The following RNF216 variants were observed in gnomAD, a reference collection of about 807,000 sequenced individuals.
RNF216 encodes E3 ubiquitin-protein ligase RNF216.
A neutral mutation model predicts 110.8 loss-of-function variants in RNF216; 72 were observed. The ratio of observed to expected loss-of-function variants is 0.65; its 90% CI spans 0.54 to 0.79. The LOEUF (loss-of-function observed/expected upper bound fraction) is 0.79. Ranked by LOEUF, RNF216 falls within the 30% of genes least tolerant of loss-of-function variation. The probability of loss-of-function intolerance (pLI) is 0.00; values close to 1 mark genes in which losing one functional copy is unlikely to be tolerated. For missense variants in RNF216, 1,342 were observed against 1,141.2 expected (o/e 1.18, Z -2.54); for synonymous variants, 495 against 407.5 (o/e 1.21, Z -2.59).
chr7:5,755,071 TGAAGGAAAG>T (rs1250554597), intron 2 of RNF216, among the ~76,000 whole-genome samples: 5 of 116,212 alleles, frequency 4.3e-5, no homozygotes, highest in Non-Finnish European at 8.7e-5. Context: ...GGGAGGGAAC[TGAAGGAAAG>T]GAAGGAAAGG....
At chr7:5,626,784 C>T (rs1786735774) in intron 15 of RNF216, among the ~76,000 whole-genome samples, 1 of 152,304 alleles carries the variant, frequency 6.6e-6, no homozygotes, top group Admixed American at 6.5e-5. Context: ...TCCCTGCGTC[C>T]AGGAAGCTCA....
intron 13 of RNF216, among the ~76,000 whole-genome samples, chr7:5,710,665 C>T (rs1792622209): frequency 6.6e-6 from 1 of 152,236 alleles, no homozygotes. Flanking sequence ...GCCTCCTTCA[C>T]ACTCCTAGCA....
intron 13 of RNF216, among the ~76,000 whole-genome samples, chr7:5,660,955 T>TTTTTTTTTTTTGTTTTTTTTTTTC (rs1789093527): frequency 6.9e-6 from 1 of 145,682 alleles, no homozygotes; most frequent in African/African-American, 2.6e-5. Flanking sequence ...TTTTTTTTTT[T>TTTTTTTTTTTTGTTTTTTTTTTTC]TTTTTTTTTT....
rs563091011 is a variant in RNF216 at position 5,674,176 on chromosome 7, C to T, written c.2062-21666G>A. ...TCCTGAATAGCTGGGATTATAGGCA[C>T]CCACCACCACGCCCAGCTAATTTTT... On this transcript the variant is annotated intron_variant, in intron 13 of 16. Coordinates refer to ENST00000389902, the MANE Select transcript of RNF216 (RefSeq NM_207111.4). 6.1e-4 allele frequency among the ~76,000 whole-genome samples: 92 copies of T among 152,064 alleles called. 2 individuals carry two copies. The highest frequency in any genetic ancestry group is 2.0e-3 in the African/African-American group (84 of 41,460).
In RNF216 at chr7:5,753,078, A is replaced by G. The variant is rs1294654883; in HGVS notation, c.68-99T>C. ...AGGGGTACAGCCTAAAGCCAACTTC[A>G]TGGCTACTAGTGTAACGTACCTCCT... On this transcript the variant is annotated intron_variant, in intron 2 of 16. Coordinates refer to ENST00000389902, the MANE Select transcript of RNF216 (RefSeq NM_207111.4). The G allele has an allele frequency of 2.4e-6, 3 of 1,241,936 alleles. No homozygotes were observed. In the East Asian group the frequency reaches 7.4e-5, roughly 31 times the overall value. 76.9% of individuals were successfully genotyped at this position (1,241,936 alleles called of 1,614,324 possible).
At chr7:5,693,163 A>T (rs1198114776) in intron 13 of RNF216, among the ~76,000 whole-genome samples, 1 of 152,252 alleles carries the variant, frequency 6.6e-6, no homozygotes, top group Non-Finnish European at 1.5e-5. Context: ...CCCTCTGCCA[A>T]TTTTTGTAAA....
intron 1 of RNF216, among the ~76,000 whole-genome samples, chr7:5,779,368 C>T (rs1714442669): frequency 6.6e-6 from 1 of 152,074 alleles, no homozygotes; most frequent in African/African-American, 2.4e-5. Context: ...AAATCTGGCC[C>T]AGACTCTCCA....
chr7:5,652,183 A>T (rs1288147414), intron 14 of RNF216, among the ~76,000 whole-genome samples: 1 of 152,166 alleles, frequency 6.6e-6, no homozygotes, highest in Admixed American at 6.5e-5. Flanking sequence ...TCATTTATTG[A>T]ATTCACAGGT....
At chr7:5,712,205 C>T (rs866299537) in intron 12 of RNF216, among the ~76,000 whole-genome samples, 8 of 152,198 alleles carry the variant, frequency 5.3e-5, no homozygotes, top group African/African-American at 1.7e-4. Flanking sequence ...ACAGTCTGGG[C>T]GCGGTGGCTC....
In RNF216 at chr7:5,680,283, CCCCCGCCCTG is replaced by C. The variant is rs1311578363; in HGVS notation, c.2062-27783_2062-27774del. ...TCCAACAGGGAAGTGGTTCCTTTGT[CCCCCGCCCTG>C]CCCCCAGCTAGCTCTGTCATCATAG... On this transcript the variant is annotated intron_variant, in intron 13 of 16. Coordinates refer to ENST00000389902, the MANE Select transcript of RNF216 (RefSeq NM_207111.4). This position sits in a 1 kb window ranked among gnomAD's most constrained non-coding sequence, Gnocchi z 4.3. The C allele has an allele frequency of 2.6e-5, 4 of 152,354 alleles. No homozygotes were observed. Among genetic ancestry groups the C allele is most frequent in the Non-Finnish European group, 4.4e-5 (3 of 68,174 alleles). The allele number at this position is 152,354 out of a possible 1,614,324, so 9.4% of individuals were successfully genotyped here.
At chr7:5,738,490 C>T (rs1193621983) in intron 5 of RNF216, among the ~76,000 whole-genome samples, 1 of 152,004 alleles carries the variant, frequency 6.6e-6, no homozygotes, top group Non-Finnish European at 1.5e-5. Flanking sequence ...GGGTGGATCA[C>T]GAGGTCAGGA....
chr7:5,644,513 T>A (rs1787933601), intron 14 of RNF216, among the ~76,000 whole-genome samples: 1 of 150,014 alleles, frequency 6.7e-6, no homozygotes, highest in African/African-American at 2.4e-5. Context: ...GTTTGCCCAT[T>A]TTTTTTTTTT....
At position 5,624,391 on chromosome 7, in the gene RNF216, G is replaced by A. The variant is rs1347935157; in HGVS notation, c.2383-266C>T. On this transcript the variant is annotated intron_variant, in intron 15 of 16. Transcript: ENST00000389902. The surrounding 1 kb of genome is among the most constrained non-coding windows in gnomAD (Gnocchi z 4.4). ...ATGGCAGGCAGCTGCCTGGTGAGGT[G>A]GGGGGATGGAGGGCCTCCATGCACT... Among the ~76,000 whole-genome samples, 1 of 152,226 alleles carries A rather than the reference G, an allele frequency of 6.6e-6. No individual in the cohort carries two copies. Among genetic ancestry groups the A allele is most frequent in the Non-Finnish European group, 1.5e-5 (1 of 68,034 alleles).
At chr7:5,666,452 A>G (rs540197096) in intron 13 of RNF216, among the ~76,000 whole-genome samples, 4 of 152,318 alleles carry the variant, frequency 2.6e-5, no homozygotes, top group African/African-American at 9.6e-5. Flanking sequence ...AAAGAATTCC[A>G]GGCACCAGGA....
At chr7:5,766,332 G>C (rs1218016362) in intron 1 of RNF216, among the ~76,000 whole-genome samples, 2 of 152,094 alleles carry the variant, frequency 1.3e-5, no homozygotes, top group African/African-American at 4.8e-5. Context: ...CTTGAGTCTA[G>C]AGGATGAGTG....
intron 13 of RNF216, among the ~76,000 whole-genome samples, chr7:5,653,468 G>A (rs1788523674): frequency 6.6e-6 from 1 of 151,702 alleles, no homozygotes; most frequent in South Asian, 2.1e-4. Context: ...GGGCGTGGTG[G>A]CAGGCGCCTG....
chr7:5,697,621 T>G (rs927415876), intron 13 of RNF216, among the ~76,000 whole-genome samples: 2 of 152,174 alleles, frequency 1.3e-5, no homozygotes, highest in African/African-American at 4.8e-5. Flanking sequence ...CAGCTGGGAC[T>G]ACAAGTGCGC....
intron 1 of RNF216, among the ~76,000 whole-genome samples, chr7:5,780,495 G>A (rs948313143): frequency 5.9e-5 from 9 of 152,148 alleles, no homozygotes; most frequent in African/African-American, 2.2e-4. Context: ...TCAGACGTTA[G>A]AGACCAGCCT....
chr7:5,627,629 C>A (rs1410437326), intron 15 of RNF216, among the ~76,000 whole-genome samples: 1 of 152,086 alleles, frequency 6.6e-6, no homozygotes, highest in African/African-American at 2.4e-5. Context: ...CGCCTATAAT[C>A]CCAGCTACTC....
Sources: allele counts gnomAD v4.1 joint callset (sites outside exome capture counted in the v4.1 genomes callset), GRCh38; gene constraint gnomAD v4.1.1; non-coding constraint Gnocchi (gnomAD v3.1); transcripts MANE v1.5; gene names NCBI Gene and HGNC (gene_info 2026-07-23, HGNC 2026-07-21).